The following LHFPL3 variants were observed in gnomAD, a reference collection of about 807,000 sequenced individuals.
LHFPL3 encodes the protein LHFPL tetraspan subfamily member 3 protein.
Under a neutral mutation model 19.3 loss-of-function variants are expected in LHFPL3, and 5 were observed. The observed-to-expected ratio is 0.26, with a 90% CI of 0.14 to 0.54. The LOEUF (loss-of-function observed/expected upper bound fraction) is 0.54. LHFPL3 is among the 20% of genes least tolerant of loss of function. The probability of loss-of-function intolerance (pLI) is 0.94; values close to 1 mark genes in which losing one functional copy is unlikely to be tolerated. For synonymous variants in LHFPL3, 133 were observed against 126.2 expected (o/e 1.05, Z -0.36); for missense variants, 249 against 307.4 (o/e 0.81, Z 1.42).
At chr7:104,847,455 A>G (rs1791333295) in intron 2 of LHFPL3, among the ~76,000 whole-genome samples, 1 of 152,314 alleles carries the variant, frequency 6.6e-6, no homozygotes, top group Non-Finnish European at 1.5e-5. Flanking sequence ...CAAATATGCA[A>G]TGTCGTTTTT....
At chr7:104,508,140 C>T (rs1423812325) in intron 1 of LHFPL3, among the ~76,000 whole-genome samples, 1 of 151,936 alleles carries the variant, frequency 6.6e-6, no homozygotes, top group East Asian at 1.9e-4. Context: ...AATCATGCTG[C>T]TATAAAGACA....
intron 1 of LHFPL3, among the ~76,000 whole-genome samples, chr7:104,521,604 C>A (rs1211364560): frequency 6.6e-6 from 1 of 151,906 alleles, no homozygotes; most frequent in Non-Finnish European, 1.5e-5. Flanking sequence ...AACAGGCAAC[C>A]TACAAAATGG....
chr7:104,765,144 T>C (rs1409653496), intron 2 of LHFPL3, among the ~76,000 whole-genome samples: 1 of 152,234 alleles, frequency 6.6e-6, no homozygotes, highest in Non-Finnish European at 1.5e-5. Flanking sequence ...AAAATTTTGT[T>C]GGACTCTTAC....
chr7:104,584,528 C>T (rs902923756), intron 1 of LHFPL3, among the ~76,000 whole-genome samples: 19 of 152,166 alleles, frequency 1.2e-4, no homozygotes, highest in African/African-American at 4.6e-4. Context: ...AGTTTTGCCA[C>T]AATTTCATAC....
At chr7:104,748,982 G>C (rs1248967083) in intron 2 of LHFPL3, among the ~76,000 whole-genome samples, 1 of 152,132 alleles carries the variant, frequency 6.6e-6, no homozygotes, top group Non-Finnish European at 1.5e-5. Flanking sequence ...TGTTGCCTCT[G>C]GGGTTAACAT....
At chr7:104,725,379 T>C (rs1379491803) in intron 1 of LHFPL3, among the ~76,000 whole-genome samples, 3 of 152,252 alleles carry the variant, frequency 2.0e-5, no homozygotes, top group Non-Finnish European at 2.9e-5. Flanking sequence ...TCTATTAACT[T>C]TAGCTGCAAC....
intron 2 of LHFPL3, among the ~76,000 whole-genome samples, chr7:104,880,249 G>T (rs552798076): frequency 1.6e-4 from 25 of 152,116 alleles, no homozygotes; most frequent in South Asian, 4.2e-4. Flanking sequence ...ATGAGATCTG[G>T]TTGTTTAAAA....
intron 1 of LHFPL3, among the ~76,000 whole-genome samples, chr7:104,497,754 A>G (rs1443854240): frequency 2.0e-5 from 3 of 152,150 alleles, no homozygotes; most frequent in South Asian, 2.1e-4. Flanking sequence ...TGGCCCTGAT[A>G]TCCCGGTGTT....
chr7:104,518,892 T>A (rs1793986548), intron 1 of LHFPL3, among the ~76,000 whole-genome samples: 2 of 152,148 alleles, frequency 1.3e-5, no homozygotes, highest in African/African-American at 4.8e-5. Flanking sequence ...TTAGAATATT[T>A]ACATACTTCC....
In LHFPL3 at chr7:104,845,357, C is replaced by T. The variant is rs1303422351; in HGVS notation, c.683-60830C>T. Reference sequence around the variant, plus strand: ...AGCTCTTATTTTACCTTTAACCGTTCTGTTTTTTCCTCCCACACTCTCAGA... The same window carrying T: ...AGCTCTTATTTTACCTTTAACCGTTTTGTTTTTTCCTCCCACACTCTCAGA... On this transcript the variant is annotated intron_variant, in intron 2 of 2. Coordinates refer to ENST00000424859, the MANE Select transcript of LHFPL3 (RefSeq NM_199000.3). 3.0e-6 allele frequency: 4 copies of T among 1,332,340 alleles called. No homozygotes were observed. The East Asian group carries it at 1.0e-4, about 33-fold the overall frequency. The allele number at this position is 1,332,340 out of a possible 1,614,324, so 82.5% of individuals were successfully genotyped here.
intron 1 of LHFPL3, among the ~76,000 whole-genome samples, chr7:104,573,114 A>T (rs920133166): frequency 5.9e-5 from 9 of 152,194 alleles, no homozygotes; most frequent in African/African-American, 2.2e-4. Flanking sequence ...AAATGGGTTG[A>T]TTTAAAGACA....
intron 1 of LHFPL3, among the ~76,000 whole-genome samples, chr7:104,435,471 T>C (rs1792084742): frequency 1.3e-5 from 2 of 151,228 alleles, no homozygotes; most frequent in Non-Finnish European, 3.0e-5. Flanking sequence ...TTTTATTTTA[T>C]AAATTTTTTT....
chr7:104,824,458 A>AT (rs1790766531), intron 2 of LHFPL3, among the ~76,000 whole-genome samples: 3 of 56,762 alleles, frequency 5.3e-5, no homozygotes, highest in African/African-American at 7.3e-5. Flanking sequence ...ATAATTATAT[A>AT]ATTTTATATA....
At chr7:104,850,838 A>G (rs1470014161) in intron 2 of LHFPL3, among the ~76,000 whole-genome samples, 2 of 151,944 alleles carry the variant, frequency 1.3e-5, no homozygotes, top group Non-Finnish European at 2.9e-5. Flanking sequence ...TGATTCTCAA[A>G]TGACTATAGA....
At chr7:104,859,281 A>G (rs996713710) in intron 2 of LHFPL3, among the ~76,000 whole-genome samples, 1 of 150,418 alleles carries the variant, frequency 6.6e-6, no homozygotes, top group Non-Finnish European at 1.5e-5. Flanking sequence ...AAAAAAAAAC[A>G]AAAAACCAAA....
chr7:104,668,819 A>G (rs956966172), intron 1 of LHFPL3: 7 of 1,609,480 alleles, frequency 4.3e-6, no homozygotes, highest in African/African-American at 2.7e-5. Flanking sequence ...AGCTGCTTCT[A>G]TCTTTGGAGG....
At chr7:104,417,558 A>G (rs1791646196) in intron 1 of LHFPL3, among the ~76,000 whole-genome samples, 1 of 152,190 alleles carries the variant, frequency 6.6e-6, no homozygotes, top group South Asian at 2.1e-4. Context: ...TGTTTTTTAA[A>G]GAATATATTT....
rs1034416214 is a variant in LHFPL3 at position 104,572,788 on chromosome 7, T to C, written c.446-163887T>C. Reference sequence around the variant, plus strand: ...GCATTTTAGGGTCCACATTGAATAATACTGAATCATAAATGAGAAAGGTAT... The same window carrying C: ...GCATTTTAGGGTCCACATTGAATAACACTGAATCATAAATGAGAAAGGTAT... On this transcript the variant is annotated intron_variant, in intron 1 of 2. Coordinates refer to ENST00000424859, the MANE Select transcript of LHFPL3 (RefSeq NM_199000.3). Among the ~76,000 whole-genome samples, 8 of 152,296 alleles carry C rather than the reference T, an allele frequency of 5.3e-5. No individual in the cohort carries two copies. The South Asian group carries it at 1.0e-3, about 20-fold the overall frequency.
chr7:104,657,594 G>A (rs150456886), intron 1 of LHFPL3, among the ~76,000 whole-genome samples: 35 of 152,356 alleles, frequency 2.3e-4, no homozygotes, highest in African/African-American at 7.7e-4. Flanking sequence ...ATTGAGGATT[G>A]TGTAGCTAAT....
Sources: gnomAD v4.1 joint callset for allele counts (sites outside exome capture counted in the v4.1 genomes callset) on GRCh38, gnomAD v4.1.1 for gene constraint, MANE v1.5 for transcripts, NCBI Gene and HGNC (gene_info 2026-07-23, HGNC 2026-07-21) for gene names.